ABHD2: variants seen among roughly 807,000 people sequenced by gnomAD.
ABHD2 encodes the protein monoacylglycerol lipase ABHD2.
ABHD2 carries 20 observed loss-of-function variants against 48.1 expected under a neutral mutation model. That is an observed-to-expected ratio of 0.42 (90% CI 0.29 to 0.60). ABHD2 has a LOEUF of 0.60. Ranked by LOEUF, ABHD2 falls within the 20% of genes least tolerant of loss-of-function variation. The pLI is 0.24. For synonymous variants in ABHD2, 209 were observed against 214.2 expected, an observed-to-expected ratio of 0.98 and a Z score of 0.21; for missense variants, 405 against 550.9, an observed-to-expected ratio of 0.74 and a Z score of 2.65.
rs1307397887 is a variant in ABHD2 at position 89,097,020 on chromosome 15, G to C, written c.-107+8457G>C. Among the ~76,000 whole-genome samples the C allele has an allele frequency of 1.3e-5, 2 of 152,230 alleles. No individual in the cohort carries two copies. The highest frequency in any genetic ancestry group is 2.9e-5 in the Non-Finnish European group (2 of 68,040). ...ATCAGCCCAGGGACAGTAGAGGCTT[G>C]ATCGCAGCTGAAAGTTGGGGTGAGC... is the stretch of plus-strand genomic sequence containing the variant. On this transcript the variant is annotated intron_variant, in intron 1 of 10. Coordinates refer to ENST00000352732, the MANE Select transcript of ABHD2 (RefSeq NM_152924.5). The surrounding 1 kb of genome is among the most constrained non-coding windows in gnomAD (Gnocchi z 4.2).
intron 1 of ABHD2, among the ~76,000 whole-genome samples, chr15:89,098,938 A>G (rs1293654189): frequency 1.3e-5 from 2 of 152,242 alleles, no homozygotes; most frequent in Non-Finnish European, 2.9e-5. Flanking sequence ...AAGCTGAATT[A>G]TCAAGGCTGA....
chr15:89,159,038 T>G (rs1034083172), intron 5 of ABHD2, among the ~76,000 whole-genome samples: 18 of 152,144 alleles, frequency 1.2e-4, no homozygotes, highest in Non-Finnish European at 2.5e-4. Context: ...GTGACCCAGA[T>G]AAATAAGATG....
the ABHD2 span, among the ~76,000 whole-genome samples, chr15:89,053,440 G>A: frequency 6.6e-6 from 1 of 152,162 alleles, no homozygotes; most frequent in Non-Finnish European, 1.5e-5. Context: ...ACCAGGCCAG[G>A]GACCCTTATA....
rs2051066016 is a variant in ABHD2, at chr15:89,179,145, T to C, written c.722+3150T>C. Reference sequence around the variant, plus strand: ...GGTCCTCAGTCAAGTGGGGGGTCCATGAGGAGGGATTTCTGAAGGAGGTGA... The same window carrying C: ...GGTCCTCAGTCAAGTGGGGGGTCCACGAGGAGGGATTTCTGAAGGAGGTGA... On this transcript the variant is annotated intron_variant, in intron 6 of 10. Coordinates refer to ENST00000352732, the MANE Select transcript of ABHD2 (RefSeq NM_152924.5). The surrounding 1 kb of genome is among the most constrained non-coding windows in gnomAD (Gnocchi z 4.3). Among the ~76,000 whole-genome samples the C allele has an allele frequency of 6.6e-6, 1 of 151,982 alleles. No individual in the cohort carries two copies. Among genetic ancestry groups the C allele is most frequent in the African/African-American group, 2.4e-5 (1 of 41,390 alleles).
chr15:89,115,812 C>T (rs1442458360), intron 2 of ABHD2, among the ~76,000 whole-genome samples: 4 of 152,186 alleles, frequency 2.6e-5, no homozygotes. Context: ...AGTACAACCA[C>T]ACCTGGTGGC....
At chr15:89,062,478 G>A in the ABHD2 span, among the ~76,000 whole-genome samples, 1 of 151,838 alleles carries the variant, frequency 6.6e-6, no homozygotes, top group Non-Finnish European at 1.5e-5. Context: ...TTGATCTCCC[G>A]GGCTCAAGAA....
Position 89,114,837 on chromosome 15 carries a change from T to C in ABHD2, c.-7+1013T>C, listed in dbSNP as rs2049930002. ...CTCACAGAAGTTCAGTGTAGCTGAG[T>C]TTATATTCATGGCCTAGCCTTGATT... On this transcript the variant is annotated intron_variant, in intron 2 of 10. Transcript: ENST00000352732. This position sits in a 1 kb window ranked among gnomAD's most constrained non-coding sequence, Gnocchi z 4.2. 6.6e-6 allele frequency among the ~76,000 whole-genome samples: 1 copy of C among 152,140 alleles called. No homozygotes were observed. The highest frequency in any genetic ancestry group is 2.4e-5 in the African/African-American group (1 of 41,402).
chr15:89,144,537 T>C (rs2150873843), intron 3 of ABHD2, among the ~76,000 whole-genome samples: 1 of 152,350 alleles, frequency 6.6e-6, no homozygotes, highest in South Asian at 2.1e-4. Flanking sequence ...TGATAACATG[T>C]TGCAGCATGG....
At chr15:89,119,199 C>T (rs1218800278) in intron 3 of ABHD2, among the ~76,000 whole-genome samples, 1 of 152,152 alleles carries the variant, frequency 6.6e-6, no homozygotes, top group East Asian at 1.9e-4. Context: ...AACCAATTTC[C>T]TTCCAAAGCC....
intron 3 of ABHD2, among the ~76,000 whole-genome samples, chr15:89,145,520 G>C (rs576849814): frequency 6.6e-6 from 1 of 152,276 alleles, no homozygotes; most frequent in East Asian, 1.9e-4. Flanking sequence ...GTTTAATGTG[G>C]GCCGTGGGGT....
intron 5 of ABHD2, among the ~76,000 whole-genome samples, chr15:89,158,928 T>G (rs1485891095): frequency 6.6e-6 from 1 of 151,880 alleles, no homozygotes; most frequent in Non-Finnish European, 1.5e-5. Context: ...CCTCCCAAAG[T>G]GCTGGGATTA....
chr15:89,101,879 C>T (rs1047808696), intron 1 of ABHD2, among the ~76,000 whole-genome samples: 2 of 152,174 alleles, frequency 1.3e-5, no homozygotes, highest in African/African-American at 2.4e-5. Context: ...TGTCCAACAT[C>T]GCCATGGGTC....
the ABHD2 span, among the ~76,000 whole-genome samples, chr15:89,047,950 CTGGTTATTT>C: frequency 6.8e-6 from 1 of 147,394 alleles, no homozygotes; most frequent in Non-Finnish European, 1.5e-5. Flanking sequence ...ATGATGTTAG[CTGGTTATTT>C]TGCTCGATAG....
rs2049956294 is a variant in ABHD2, at chr15:89,116,114, T to A, written c.-6-208T>A. Among the ~76,000 whole-genome samples the A allele has an allele frequency of 1.3e-5, 2 of 152,216 alleles. No individual in the cohort carries two copies. Among genetic ancestry groups the A allele is most frequent in the African/African-American group, 4.8e-5 (2 of 41,448 alleles). ...AACACAGTACCCAGTTTATCCATGC[T>A]CAGACTGTTTGTGATTTGGATTATG... On this transcript the variant is annotated intron_variant, in intron 2 of 10. Transcript: ENST00000352732. This position sits in a 1 kb window ranked among gnomAD's most constrained non-coding sequence, Gnocchi z 4.6.
Position 89,104,471 on chromosome 15 carries a change from G to A in ABHD2, c.-106-9254G>A, listed in dbSNP as rs377594004. Among the ~76,000 whole-genome samples the A allele has an allele frequency of 2.6e-5, 4 of 152,194 alleles. No homozygotes were observed. Among genetic ancestry groups the A allele is most frequent in the Non-Finnish European group, 2.9e-5 (2 of 68,040 alleles). On this transcript the variant is annotated intron_variant, in intron 1 of 10. Coordinates refer to ENST00000352732, the MANE Select transcript of ABHD2 (RefSeq NM_152924.5). This position sits in a 1 kb window ranked among gnomAD's most constrained non-coding sequence, Gnocchi z 4.4. The stretch of plus-strand genomic sequence containing the variant: ...CTGTTAGAGTGATAATGGGCTGCAC[G>A]TGTTAATGCTGTCATCACGGGCCCC...
chr15:89,061,570 A>G, the ABHD2 span, among the ~76,000 whole-genome samples: 3 of 152,072 alleles, frequency 2.0e-5, no homozygotes, highest in Non-Finnish European at 2.9e-5. Context: ...AATTCAAAAC[A>G]GATCTGTATT....
chr15:89,116,280 T>C lies in ABHD2; in HGVS notation c.-6-42T>C. The C allele has an allele frequency of 6.3e-7, 1 of 1,577,568 alleles. No homozygotes were observed. The highest frequency in any genetic ancestry group is 8.6e-7 in the Non-Finnish European group (1 of 1,157,010). ...GTAGGGTGGTGGGCACCACCCGTCC[T>C]CACTGTGCTTGTAAACTTAGACCTG... On this transcript the variant is annotated intron_variant, in intron 2 of 10. Coordinates refer to ENST00000352732, the MANE Select transcript of ABHD2 (RefSeq NM_152924.5). This position sits in a 1 kb window ranked among gnomAD's most constrained non-coding sequence, Gnocchi z 4.6.
intron 3 of ABHD2, among the ~76,000 whole-genome samples, chr15:89,126,240 C>T (rs1282879869): frequency 1.3e-5 from 2 of 152,176 alleles, no homozygotes; most frequent in African/African-American, 4.8e-5. Flanking sequence ...CGTGTAAGGT[C>T]CTGTTTTGAG....
Position 89,144,556 on chromosome 15 carries a change from C to T in ABHD2, c.195-7121C>T, listed in dbSNP as rs188438335. Among the ~76,000 whole-genome samples the T allele has an allele frequency of 5.3e-3, 807 of 152,316 alleles. 2 individuals carry two copies. Among genetic ancestry groups the T allele is most frequent in the Middle Eastern group, 0.017 (5 of 294 alleles). ...AACATGTTGCAGCATGGATGACTCT[C>T]AAAACATTATGCTAAGTGAAAAATC... On this transcript the variant is annotated intron_variant, in intron 3 of 10. Transcript: ENST00000352732.
Sources: allele counts gnomAD v4.1 joint callset (sites outside exome capture counted in the v4.1 genomes callset), GRCh38; gene constraint gnomAD v4.1.1; non-coding constraint Gnocchi (gnomAD v3.1); transcripts MANE v1.5; gene names NCBI Gene and HGNC (gene_info 2026-07-23, HGNC 2026-07-21).